Variants in ARHGEF18 observed in about 807,000 individuals in gnomAD.
The protein encoded by ARHGEF18 is Rho/Rac guanine nucleotide exchange factor 18.
Under a neutral mutation model 155.7 loss-of-function variants are expected in ARHGEF18, and 93 were observed. That is an observed-to-expected ratio of 0.60 (90% CI 0.50 to 0.71). The LOEUF is 0.71. ARHGEF18 is among the 30% of genes least tolerant of loss of function. The pLI is 0.00. For synonymous variants in ARHGEF18, 742 were observed against 753.1 expected, an observed-to-expected ratio of 0.99 and a Z score of 0.24; for missense variants, 1,593 against 1,816.1, an observed-to-expected ratio of 0.88 and a Z score of 2.23.
In ARHGEF18 at chr19:7,373,056, C is replaced by G. The variant is rs917986605; in HGVS notation, c.260C>G (p.Ser87Ter). 6.5e-6 allele frequency: 8 copies of G among 1,234,350 alleles called. No individual in the cohort carries two copies. Among genetic ancestry groups the G allele is most frequent in the Non-Finnish European group, 8.1e-6 (8 of 988,284 alleles). 76.5% of individuals were successfully genotyped at this position (1,234,350 alleles called of 1,614,324 possible). A position where few individuals can be genotyped will look rare whatever the true frequency, so the allele number is the denominator to read the frequency against. Residue 87 changes from serine to a stop codon, truncating the protein, a stop_gained, in exon 3 of 29, where the codon TCA becomes TGA. Transcript: ENST00000668164. LOFTEE classifies it high-confidence loss of function. ...RRSWERSRSC[S>*]ESWRRLSLDA... ...AGCTGGGAAAGGTCGCGGAGCTGCT[C>G]AGAGAGCTGGCGGAGGTCAGTTCCC...
chr19:7,352,584 C>T (rs111898075), intron 1 of ARHGEF18, among the ~76,000 whole-genome samples: 122,461 of 135,840 alleles, frequency 0.9, 55,450 homozygotes, highest in Non-Finnish European at 0.95. Context: ...CCCAGGCTGT[C>T]GTGCAGTGGC....
At chr19:7,451,368 T>A in intron 16 of ARHGEF18, 102 bp downstream of exon 16, 3 of 954,122 alleles carry the variant, frequency 3.1e-6, no homozygotes, top group South Asian at 1.7e-5. Context: ...ATAAATTCCC[T>A]TTGAAATCCA....
At chr19:7,401,038 T>C (rs1443547103) in intron 10 of ARHGEF18, among the ~76,000 whole-genome samples, 1 of 152,082 alleles carries the variant, frequency 6.6e-6, no homozygotes, top group East Asian at 1.9e-4. Flanking sequence ...CAAAATTGAA[T>C]TTAGAAACCA....
At chr19:7,351,700 CTCTCTTT>C (rs1328887134) in intron 1 of ARHGEF18, among the ~76,000 whole-genome samples, 1 of 62,762 alleles carries the variant, frequency 1.6e-5, no homozygotes, top group African/African-American at 6.4e-5. Flanking sequence ...CTCTCTCTCT[CTCTCTTT>C]TTTTTTTTTT....
At chr19:7,453,342 C>A in intron 16 of ARHGEF18, 125 bp from the exon 17 acceptor site, 1 of 1,142,552 alleles carries the variant, frequency 8.8e-7, no homozygotes. Context: ...CCTCATAGAT[C>A]CCACACGCCC....
chr19:7,363,145 T>G (rs905325800), intron 2 of ARHGEF18, among the ~76,000 whole-genome samples: 1 of 151,776 alleles, frequency 6.6e-6, no homozygotes, highest in African/African-American at 2.4e-5. Flanking sequence ...GATAGATGGA[T>G]GGGTGGGTGG....
intron 10 of ARHGEF18, among the ~76,000 whole-genome samples, chr19:7,408,371 A>G (rs1447405456): frequency 1.3e-5 from 2 of 152,244 alleles, no homozygotes; most frequent in Non-Finnish European, 2.9e-5. Context: ...AGCCACAGAC[A>G]ACAGAGAAAC....
At chr19:7,435,341 T>C (rs1974196612) in intron 10 of ARHGEF18, among the ~76,000 whole-genome samples, 1 of 151,962 alleles carries the variant, frequency 6.6e-6, no homozygotes, top group African/African-American at 2.4e-5. Flanking sequence ...GAAATGACCG[T>C]CAGGAAGGAA....
At chr19:7,361,854 C>CT (rs1568263973) in intron 1 of ARHGEF18, among the ~76,000 whole-genome samples, 2 of 151,332 alleles carry the variant, frequency 1.3e-5, no homozygotes, top group African/African-American at 4.9e-5. Flanking sequence ...TAGCCAGGTG[C>CT]AGTGGTGTGC....
In ARHGEF18 at chr19:7,387,795, G is replaced by A. The variant is rs150117606; in HGVS notation, c.967+4592G>A. ...AGCGATTCTCACGCCTCAGCCTCCC[G>A]AGTGGCTGGGATTACAGGTACCTGC... On this transcript the variant is annotated intron_variant, in intron 10 of 28. Coordinates refer to ENST00000668164, the MANE Select transcript of ARHGEF18 (RefSeq NM_001367823.1). Among the ~76,000 whole-genome samples the A allele has an allele frequency of 8.8e-3, 1,341 of 151,744 alleles. 29 individuals carry two copies. The highest frequency in any genetic ancestry group is 0.03 in the African/African-American group (1,224 of 41,396).
chr19:7,404,127 G>T (rs1192120544), intron 10 of ARHGEF18, among the ~76,000 whole-genome samples: 2 of 151,946 alleles, frequency 1.3e-5, no homozygotes, highest in South Asian at 4.2e-4. Flanking sequence ...TTAGAGGTGT[G>T]AGCCACTGCA....
At chr19:7,387,865 A>G (rs1281478519) in intron 10 of ARHGEF18, among the ~76,000 whole-genome samples, 1 of 151,824 alleles carries the variant, frequency 6.6e-6, no homozygotes, top group Non-Finnish European at 1.5e-5. Flanking sequence ...GGGTTTCACC[A>G]TGTTAGCCAG....
rs1972282892 is a variant in ARHGEF18, at chr19:7,405,969, A to G, written c.967+22766A>G. Reference sequence around the variant, plus strand: ...ACTCATTTCTTAGGCTCTTTACAACACAGTGATTTTCCAGTATTTTGAAGT... The same window carrying G: ...ACTCATTTCTTAGGCTCTTTACAACGCAGTGATTTTCCAGTATTTTGAAGT... On this transcript the variant is annotated intron_variant, in intron 10 of 28. Coordinates refer to ENST00000668164, the MANE Select transcript of ARHGEF18 (RefSeq NM_001367823.1). Among the ~76,000 whole-genome samples the G allele has an allele frequency of 3.3e-5, 5 of 152,118 alleles. No individual in the cohort carries two copies. The South Asian group carries it at 1.0e-3, about 31-fold the overall frequency.
chr19:7,357,923 C>T (rs1600171872), intron 1 of ARHGEF18, among the ~76,000 whole-genome samples: 1 of 152,110 alleles, frequency 6.6e-6, no homozygotes, highest in East Asian at 1.9e-4. Flanking sequence ...GTGCCTCGCT[C>T]ACCTTGGTTT....
Position 7,444,084 on chromosome 19 carries a change from G to A in ARHGEF18, c.1361-120G>A. The A allele has an allele frequency of 7.7e-7, 1 of 1,298,140 alleles. No homozygotes were observed. The allele number at this position is 1,298,140 out of a possible 1,614,324, so 80.4% of individuals were successfully genotyped here. ...AGTAAGAAAGATCCCAAAGGCACAA[G>A]GTCTTAGGCAGAGAACTCTCAGAAG... On this transcript the variant is annotated intron_variant, in intron 13 of 28. Coordinates refer to ENST00000668164, the MANE Select transcript of ARHGEF18 (RefSeq NM_001367823.1). The surrounding 1 kb of genome is among the most constrained non-coding windows in gnomAD (Gnocchi z 4.7).
rs192535920 is a variant in ARHGEF18 at position 7,366,894 on chromosome 19, C to G, written c.15+3989C>G. Among the ~76,000 whole-genome samples the G allele has an allele frequency of 5.3e-4, 81 of 151,882 alleles. 1 individual carries two copies. Among genetic ancestry groups the G allele is most frequent in the South Asian group, 1.0e-3 (5 of 4,802 alleles). On this transcript the variant is annotated intron_variant, in intron 2 of 28. Transcript: ENST00000668164. ...CCTCCCACCTCAGTTTCCAGAGTAG[C>G]TGGGACTACAGGTGCACGCCACCAC...
At chr19:7,387,805 G>A (rs1021337954) in intron 10 of ARHGEF18, among the ~76,000 whole-genome samples, 1 of 151,886 alleles carries the variant, frequency 6.6e-6, no homozygotes, top group Non-Finnish European at 1.5e-5. Flanking sequence ...GAGTGGCTGG[G>A]ATTACAGGTA....
At chr19:7,361,369 T>C (rs1298597898) in intron 1 of ARHGEF18, among the ~76,000 whole-genome samples, 2 of 151,702 alleles carry the variant, frequency 1.3e-5, no homozygotes, top group Non-Finnish European at 2.9e-5. Flanking sequence ...ATCCCGGAGG[T>C]GGAGGTTGCA....
chr19:7,451,873 C>G (rs939745224), intron 16 of ARHGEF18, among the ~76,000 whole-genome samples: 4 of 152,052 alleles, frequency 2.6e-5, no homozygotes, highest in African/African-American at 9.7e-5. Flanking sequence ...AGGCGCCCAC[C>G]ACCACACCTA....
Sources: allele counts gnomAD v4.1 joint callset (sites outside exome capture counted in the v4.1 genomes callset), GRCh38; gene constraint gnomAD v4.1.1; non-coding constraint Gnocchi (gnomAD v3.1); transcripts MANE v1.5; gene names NCBI Gene and HGNC (gene_info 2026-07-23, HGNC 2026-07-21).